Variants in HPSE2 observed in about 807,000 individuals in gnomAD.
The protein encoded by HPSE2 is inactive heparanase-2.
In HPSE2, 38 loss-of-function variants were observed where a neutral mutation model predicts 60.5. That is an observed-to-expected ratio of 0.63 (90% CI 0.48 to 0.82). HPSE2 has a LOEUF of 0.82. Among genes scored for constraint, HPSE2 ranks in the 40% least tolerant of loss-of-function variants. HPSE2 has a pLI of 0.00. For synonymous variants in HPSE2, 295 were observed against 293.2 expected (o/e 1.01, Z -0.06); for missense variants, 713 against 740.4 (o/e 0.96, Z 0.43).
At chr10:98,544,758 A>C (rs1052557589) in intron 9 of HPSE2, among the ~76,000 whole-genome samples, 1 of 150,982 alleles carries the variant, frequency 6.6e-6, no homozygotes, top group Non-Finnish European at 1.5e-5. Flanking sequence ...GAGAAGCAAG[A>C]GCAAACACAT....
At chr10:99,038,600 G>A (rs1460672661) in intron 3 of HPSE2, among the ~76,000 whole-genome samples, 1 of 152,036 alleles carries the variant, frequency 6.6e-6, no homozygotes, top group East Asian at 1.9e-4. Flanking sequence ...TATCTTGACT[G>A]TGGCGGTGGC....
chr10:98,527,334 A>G (rs1942998365), intron 9 of HPSE2, among the ~76,000 whole-genome samples: 1 of 152,120 alleles, frequency 6.6e-6, no homozygotes, highest in Non-Finnish European at 1.5e-5. Context: ...ACTAAAAATC[A>G]AGCTCCTTAT....
At chr10:98,736,737 T>C (rs2134303235) in intron 4 of HPSE2, among the ~76,000 whole-genome samples, 1 of 152,320 alleles carries the variant, frequency 6.6e-6, no homozygotes, top group East Asian at 1.9e-4. Context: ...TATCCTAACT[T>C]TACCTTTAGA....
At position 98,457,419 on chromosome 10, in the gene HPSE2, C is replaced by G. The variant is rs1037746509; in HGVS notation, c.*2155G>C. ...CGAGCCATGGATCCTCTCCATGCCT[C>G]GTAGGAAAAATGGGGATAACAGTAG... On this transcript the variant is annotated 3_prime_UTR_variant, in exon 12 of 12. Transcript: ENST00000370552. The G allele has an allele frequency of 6.6e-6, 1 of 152,100 alleles. No homozygotes were observed. The highest frequency in any genetic ancestry group is 1.5e-5 in the Non-Finnish European group (1 of 68,040). The allele number at this position is 152,100 out of a possible 1,614,324, so 9.4% of individuals were successfully genotyped here.
intron 9 of HPSE2, among the ~76,000 whole-genome samples, chr10:98,587,346 G>A (rs961808512): frequency 2.0e-5 from 3 of 152,054 alleles, no homozygotes; most frequent in African/African-American, 4.8e-5. Flanking sequence ...ATCATGATTC[G>A]GAAAAAAATC....
intron 3 of HPSE2, among the ~76,000 whole-genome samples, chr10:99,084,045 A>C (rs562529982): frequency 1.6e-5 from 2 of 125,060 alleles, no homozygotes; most frequent in Non-Finnish European, 3.2e-5. Flanking sequence ...CAGTTATCCC[A>C]TTTTTGATCT....
At chr10:99,192,641 T>C (rs2133863645) in intron 2 of HPSE2, among the ~76,000 whole-genome samples, 1 of 152,208 alleles carries the variant, frequency 6.6e-6, no homozygotes, top group East Asian at 1.9e-4. Context: ...TTTCACCATT[T>C]CCCAAAGCTG....
chr10:99,233,438 T>C (rs780843965), intron 1 of HPSE2, among the ~76,000 whole-genome samples: 1 of 152,140 alleles, frequency 6.6e-6, no homozygotes, highest in Non-Finnish European at 1.5e-5. Flanking sequence ...ACAATAGCAT[T>C]TGCATCTATT....
intron 9 of HPSE2, among the ~76,000 whole-genome samples, chr10:98,544,557 A>C (rs1016444692): frequency 1.4e-4 from 21 of 151,658 alleles, no homozygotes; most frequent in African/African-American, 2.7e-4. Context: ...AAAAAACACA[A>C]AAAAAATTAG....
intron 2 of HPSE2, among the ~76,000 whole-genome samples, chr10:99,178,214 G>C (rs529107400): frequency 2.3e-4 from 35 of 151,312 alleles, no homozygotes; most frequent in African/African-American, 7.3e-4. Flanking sequence ...AAGAACTAGA[G>C]AAACAACAGC....
At chr10:98,659,285 A>G (rs1322784714) in intron 6 of HPSE2, among the ~76,000 whole-genome samples, 1 of 152,204 alleles carries the variant, frequency 6.6e-6, no homozygotes, top group Admixed American at 6.5e-5. Context: ...TAAACAAAAA[A>G]GTCAGGCCTC....
intron 3 of HPSE2, among the ~76,000 whole-genome samples, chr10:98,988,225 T>C (rs1202387968): frequency 1.1e-4 from 17 of 152,258 alleles, no homozygotes; most frequent in South Asian, 4.1e-4. Context: ...GGAGGCATCA[T>C]GCTACCTGAC....
At chr10:98,897,038 C>T (rs1276817721) in intron 3 of HPSE2, among the ~76,000 whole-genome samples, 3 of 152,148 alleles carry the variant, frequency 2.0e-5, no homozygotes, top group African/African-American at 7.2e-5. Flanking sequence ...ATGCTACAAC[C>T]TTGGATGGAG....
intron 2 of HPSE2, among the ~76,000 whole-genome samples, chr10:99,184,344 G>T (rs1847888711): frequency 6.6e-6 from 1 of 151,872 alleles, no homozygotes; most frequent in Non-Finnish European, 1.5e-5. Flanking sequence ...GACCAACATG[G>T]TGAAACCCTG....
At chr10:98,764,376 CAAAT>C (rs1402815785) in intron 3 of HPSE2, among the ~76,000 whole-genome samples, 1 of 151,060 alleles carries the variant, frequency 6.6e-6, no homozygotes, top group Admixed American at 6.6e-5. Context: ...TTGTTAAAAG[CAAAT>C]AAAAGACAAA....
chr10:98,645,707 G>C (rs181358181), intron 6 of HPSE2, among the ~76,000 whole-genome samples: 6 of 152,264 alleles, frequency 3.9e-5, no homozygotes, highest in Admixed American at 3.9e-4. Flanking sequence ...GGCCAGGCGT[G>C]GTGGCTCAAG....
At position 98,482,926 on chromosome 10, in the gene HPSE2, G is replaced by C. The variant is rs544079506; in HGVS notation, c.1467-144C>G. 14 of 753,474 alleles carry C rather than the reference G, an allele frequency of 1.9e-5. No individual in the cohort carries two copies. In the East Asian group the frequency reaches 3.5e-4, roughly 19 times the overall value. The allele number at this position is 753,474 out of a possible 1,614,324, so 46.7% of individuals were successfully genotyped here. On this transcript the variant is annotated intron_variant, in intron 10 of 11. Transcript: ENST00000370552. ...TGGCCACCATAGACCCTAAAAGAAA[G>C]GAAGGCCTTGTTATTGTGGTTTCTT...
At chr10:98,741,961 A>G (rs940626551) in intron 4 of HPSE2, among the ~76,000 whole-genome samples, 1 of 152,208 alleles carries the variant, frequency 6.6e-6, no homozygotes, top group Non-Finnish European at 1.5e-5. Context: ...GGTCATGAGT[A>G]TACAACATAA....
intron 3 of HPSE2, among the ~76,000 whole-genome samples, chr10:98,861,982 T>C (rs1465220283): frequency 6.6e-6 from 1 of 152,248 alleles, no homozygotes. Context: ...AGTTGTCCAG[T>C]AAAATATCAA....
Sources: allele counts gnomAD v4.1 joint callset (sites outside exome capture counted in the v4.1 genomes callset), GRCh38; gene constraint gnomAD v4.1.1; transcripts MANE v1.5; gene names NCBI Gene and HGNC (gene_info 2026-07-23, HGNC 2026-07-21).